The following MITF variants were observed in gnomAD, a reference collection of about 807,000 sequenced individuals.
The protein encoded by MITF is microphthalmia-associated transcription factor.
Under a neutral mutation model 60.5 loss-of-function variants are expected in MITF, and 17 were observed. That is an observed-to-expected ratio of 0.28 (90% CI 0.19 to 0.42). The LOEUF is 0.42. Among genes scored for constraint, MITF ranks in the 10% least tolerant of loss-of-function variants. The pLI, the probability that MITF is intolerant of heterozygous loss-of-function variation, is 1.00. For synonymous variants in MITF, 260 were observed against 248.5 expected (o/e 1.05, Z -0.43); for missense variants, 622 against 683.5 (o/e 0.91, Z 1.00).
intron 2 of MITF, among the ~76,000 whole-genome samples, chr3:69,909,808 A>C (rs2065184134): frequency 6.6e-6 from 1 of 152,182 alleles, no homozygotes; most frequent in African/African-American, 2.4e-5. Flanking sequence ...GGGTGCTGTT[A>C]AAACCATTCC....
At chr3:69,909,283 C>A (rs1055501869) in intron 2 of MITF, among the ~76,000 whole-genome samples, 1 of 152,158 alleles carries the variant, frequency 6.6e-6, no homozygotes, top group African/African-American at 2.4e-5. Context: ...TTACCTCCTG[C>A]CATGATTCTG....
chr3:69,766,734 A>T (rs1157388620), intron 1 of MITF, among the ~76,000 whole-genome samples: 1 of 152,044 alleles, frequency 6.6e-6, no homozygotes, highest in East Asian at 1.9e-4. Context: ...AGTATGTGGG[A>T]TTGTGTTGCT....
At chr3:69,958,074 C>G (rs1006404092) in intron 8 of MITF, among the ~76,000 whole-genome samples, 6 of 152,094 alleles carry the variant, frequency 3.9e-5, no homozygotes, top group Admixed American at 2.0e-4. Context: ...GTTTGAAAAC[C>G]CTTTCTTAAA....
intron 1 of MITF, among the ~76,000 whole-genome samples, chr3:69,779,795 G>A (rs1262559614): frequency 1.3e-5 from 2 of 152,148 alleles, no homozygotes; most frequent in African/African-American, 4.8e-5. Context: ...CTTTTATCCA[G>A]TGTCACCCAG....
intron 2 of MITF, among the ~76,000 whole-genome samples, chr3:69,917,971 T>A (rs944191178): frequency 1.1e-4 from 17 of 152,236 alleles, no homozygotes; most frequent in African/African-American, 3.9e-4. Flanking sequence ...TCAGAGTTTT[T>A]TTCTCAGCAT....
At chr3:69,871,774 A>G (rs776521985) in intron 1 of MITF, among the ~76,000 whole-genome samples, 1 of 152,226 alleles carries the variant, frequency 6.6e-6, no homozygotes, top group South Asian at 2.1e-4. Flanking sequence ...TTATTTGAGT[A>G]CAAACAGAAG....
At chr3:69,926,209 T>A (rs1017706000) in intron 2 of MITF, among the ~76,000 whole-genome samples, 1 of 152,222 alleles carries the variant, frequency 6.6e-6, no homozygotes, top group Non-Finnish European at 1.5e-5. Flanking sequence ...TAACATAATC[T>A]ATAAGGCAAG....
At chr3:69,757,176 A>G (rs992874773) in intron 1 of MITF, among the ~76,000 whole-genome samples, 3 of 152,118 alleles carry the variant, frequency 2.0e-5, no homozygotes, top group Admixed American at 6.5e-5. Flanking sequence ...TGTGCATAGG[A>G]ATGAGATTAC....
chr3:69,881,747 C>A (rs558418366), intron 2 of MITF, among the ~76,000 whole-genome samples: 1 of 151,806 alleles, frequency 6.6e-6, no homozygotes, highest in African/African-American at 2.4e-5. Flanking sequence ...CCATTTATTT[C>A]TCCATGAATA....
intron 2 of MITF, among the ~76,000 whole-genome samples, chr3:69,935,335 A>C (rs1477274270): frequency 6.6e-6 from 1 of 152,236 alleles, no homozygotes; most frequent in Admixed American, 6.5e-5. Context: ...TTCTTTCTTT[A>C]CTAAAGCATA....
intron 1 of MITF, among the ~76,000 whole-genome samples, chr3:69,769,017 G>A (rs1194365941): frequency 6.6e-6 from 1 of 152,158 alleles, no homozygotes; most frequent in African/African-American, 2.4e-5. Flanking sequence ...AATCTCAGCT[G>A]CACTGATTGG....
At chr3:69,796,655 C>T (rs1490550615) in intron 1 of MITF, among the ~76,000 whole-genome samples, 17 of 151,144 alleles carry the variant, frequency 1.1e-4, no homozygotes, top group East Asian at 3.9e-4. Flanking sequence ...TACAGGCGCC[C>T]GCCACCGCGC....
chr3:69,937,804 C>T lies in MITF; in HGVS notation c.355-18C>T. On this transcript the variant is annotated intron_variant, in intron 2 of 9. Transcript: ENST00000352241. ...AAATAACAGCGCTGTTTTCTTTTCC[C>T]TCCATGGCTATGTTCAGGTGCAGAC... 1 of 1,609,486 alleles carries T rather than the reference C, an allele frequency of 6.2e-7. No individual in the cohort carries two copies. Among genetic ancestry groups the T allele is most frequent in the Non-Finnish European group, 8.5e-7 (1 of 1,176,062 alleles).
At chr3:69,794,226 T>C (rs1420976400) in intron 1 of MITF, among the ~76,000 whole-genome samples, 1 of 152,208 alleles carries the variant, frequency 6.6e-6, no homozygotes, top group Non-Finnish European at 1.5e-5. Context: ...AGGTGAGCTA[T>C]ATATATAATT....
chr3:69,857,352 G>GC lies in MITF; in HGVS notation c.105-21774dup, dbSNP rs112664266. Reference sequence around the variant, plus strand: ...ACAGGATACTCATATCTCAATCCCTGCCCCCCCCAGTTTCTTTCTTTAAAT... The same window carrying GC: ...ACAGGATACTCATATCTCAATCCCTGCCCCCCCCCAGTTTCTTTCTTTAAAT... On this transcript the variant is annotated intron_variant, in intron 1 of 9. Coordinates refer to ENST00000352241, the MANE Select transcript of MITF (RefSeq NM_001354604.2). Among the ~76,000 whole-genome samples, 563 of 151,094 alleles carry GC rather than the reference G, an allele frequency of 3.7e-3. 4 individuals carry two copies. The highest frequency in any genetic ancestry group is 8.4e-3 in the Admixed American group (128 of 15,162).
intron 1 of MITF, among the ~76,000 whole-genome samples, chr3:69,798,185 A>G (rs2062860751): frequency 6.6e-6 from 1 of 152,246 alleles, no homozygotes; most frequent in African/African-American, 2.4e-5. Context: ...TTAAAAGCCC[A>G]GTTGATAGAA....
intron 2 of MITF, among the ~76,000 whole-genome samples, chr3:69,882,629 A>G (rs1342246198): frequency 6.6e-6 from 1 of 152,208 alleles, no homozygotes; most frequent in Non-Finnish European, 1.5e-5. Flanking sequence ...TTTTGCTGAC[A>G]TGCAAGTCAT....
intron 1 of MITF, among the ~76,000 whole-genome samples, chr3:69,739,965 C>G (rs1003098378): frequency 6.6e-6 from 1 of 152,066 alleles, no homozygotes; most frequent in African/African-American, 2.4e-5. Context: ...GGACCCTCGG[C>G]CGAGGATGCC....
At chr3:69,825,868 C>T (rs1239260471) in intron 1 of MITF, among the ~76,000 whole-genome samples, 1 of 152,072 alleles carries the variant, frequency 6.6e-6, no homozygotes, top group African/African-American at 2.4e-5. Context: ...CTGGTTGTTT[C>T]CCTCCAAACT....
Sources: allele counts gnomAD v4.1 joint callset (sites outside exome capture counted in the v4.1 genomes callset), GRCh38; gene constraint gnomAD v4.1.1; transcripts MANE v1.5; gene names NCBI Gene and HGNC (gene_info 2026-07-23, HGNC 2026-07-21).